The following DGKK variants were observed in gnomAD, a reference collection of about 807,000 sequenced individuals.
DGKK encodes the protein diacylglycerol kinase kappa, also known as 142 kDa diacylglycerol kinase.
In DGKK, 35 loss-of-function variants were observed where a neutral mutation model predicts 92.2. The ratio of observed to expected loss-of-function variants is 0.38; its 90% CI spans 0.29 to 0.50. The LOEUF (loss-of-function observed/expected upper bound fraction) is 0.50, where lower values mean the gene tolerates loss of function less well. Among genes scored for constraint, DGKK ranks in the 20% least tolerant of loss-of-function variants. The pLI, the probability that DGKK is intolerant of heterozygous loss-of-function variation, is 0.92. For missense variants in DGKK, 910 were observed against 992.2 expected (o/e 0.92, Z 1.11); for synonymous variants, 368 against 360.6 (o/e 1.02, Z -0.23).
chrX:50,466,027 T>C (rs1288110609), intron 1 of DGKK, among the ~76,000 whole-genome samples: 20 of 90,698 alleles, frequency 2.2e-4, no homozygotes, highest in Admixed American at 8.7e-4. Context: ...CTTTTTTTTT[T>C]TTTTTTTTTT....
chrX:50,370,733 A>G (rs890999024), intron 26 of DGKK, among the ~76,000 whole-genome samples, 184 bp from the exon 27 acceptor site: 4 of 111,967 alleles, frequency 3.6e-5, no homozygotes, highest in Admixed American at 2.8e-4. Context: ...GATCCTTACC[A>G]AGAGGCTACT....
Position 50,470,384 on chromosome X carries a change from TG to T in DGKK, c.294del (p.Thr99GlnfsTer33), listed in dbSNP as rs1569545343. 8.3e-7 allele frequency: 1 copy of T among 1,209,311 alleles called. No individual in the cohort carries two copies. The highest frequency in any genetic ancestry group is 2.2e-5 in the Admixed American group (1 of 45,910). Reference sequence around the variant, plus strand: ...GTGGCAGGTTCTGGGGCCGGCTCTGTGGCAGGTTCTGGGGCCGGTTCTGAGG... The same window carrying T: ...GTGGCAGGTTCTGGGGCCGGCTCTGTGCAGGTTCTGGGGCCGGTTCTGAGG... ...EPASEPAPEP[A>X]TEPAPEPATE... On this transcript the variant is annotated frameshift_variant, in exon 1 of 28. Coordinates refer to ENST00000611977, the MANE Select transcript of DGKK (RefSeq NM_001013742.4). LOFTEE classifies it high-confidence loss of function.
intron 1 of DGKK, among the ~76,000 whole-genome samples, chrX:50,464,322 AAGGTTTATGCTCTTT>A (rs142042510): frequency 0.31 from 34,121 of 108,737 alleles, 4,238 homozygotes; most frequent in Admixed American, 0.38. Context: ...TTTTAAGAAT[AAGGTTTATGCTCTTT>A]AGTCATGGAG....
chrX:50,451,132 T>TA (rs1348941585), intron 1 of DGKK, among the ~76,000 whole-genome samples: 2 of 110,228 alleles, frequency 1.8e-5, no homozygotes, highest in Admixed American at 9.6e-5. Flanking sequence ...AGTGAAAAAA[T>TA]AAAAAAATGG....
chrX:50,378,351 G>A (rs1485117007), intron 21 of DGKK, 119 bp from the exon 22 acceptor site: 12 of 978,849 alleles, frequency 1.2e-5, no homozygotes, highest in Non-Finnish European at 1.7e-5. Context: ...GAAAGGATGT[G>A]AATCAGATCA....
intron 1 of DGKK, among the ~76,000 whole-genome samples, chrX:50,440,878 A>T (rs1334401339): frequency 8.9e-6 from 1 of 112,057 alleles, no homozygotes; most frequent in Non-Finnish European, 1.9e-5. Context: ...AAGAACTTTT[A>T]ATGTGGGGAA....
At chrX:50,388,650 T>A in intron 12 of DGKK, 32 bp from the exon 13 acceptor site, 1 of 1,058,181 alleles carries the variant, frequency 9.5e-7, no homozygotes. Flanking sequence ...AGCCCTGGAA[T>A]CTTAGTACAA....
chrX:50,448,974 T>C (rs782269320), intron 1 of DGKK, among the ~76,000 whole-genome samples: 10 of 111,530 alleles, frequency 9.0e-5, no homozygotes, highest in East Asian at 2.9e-4. Flanking sequence ...GTGGTGAGTA[T>C]TGGGGCCTTT....
chrX:50,434,000 C>A (rs894905753), intron 1 of DGKK, among the ~76,000 whole-genome samples: 5 of 111,205 alleles, frequency 4.5e-5, no homozygotes, highest in Non-Finnish European at 9.4e-5. Flanking sequence ...CTTTTCCATT[C>A]TTTTACCTGA....
At chrX:50,421,901 A>G (rs1391885426) in intron 3 of DGKK, among the ~76,000 whole-genome samples, 1 of 111,503 alleles carries the variant, frequency 9.0e-6, no homozygotes, top group Non-Finnish European at 1.9e-5. Context: ...CAAGCTTTCT[A>G]TTTTTCAGTG....
chrX:50,438,698 G>C (rs1465400912), intron 1 of DGKK, among the ~76,000 whole-genome samples: 1 of 111,745 alleles, frequency 8.9e-6, no homozygotes, highest in African/African-American at 3.2e-5. Context: ...GAACTTCATG[G>C]AGTTTAGCCA....
chrX:50,423,165 T>C (rs1925642625), intron 2 of DGKK, among the ~76,000 whole-genome samples: 1 of 112,408 alleles, frequency 8.9e-6, no homozygotes, highest in Admixed American at 9.4e-5. Context: ...ATGTGTTTTG[T>C]AAGTAAAGTC....
intron 11 of DGKK, 143 bp downstream of exon 11, chrX:50,391,294 C>T: frequency 1.3e-6 from 1 of 795,086 alleles, no homozygotes; most frequent in Non-Finnish European, 1.8e-6. Context: ...ACAAGCCCCA[C>T]CCAACCCACA....
intron 1 of DGKK, among the ~76,000 whole-genome samples, chrX:50,437,607 A>G (rs781928830): frequency 9.0e-6 from 1 of 111,644 alleles, no homozygotes; most frequent in Non-Finnish European, 1.9e-5. Flanking sequence ...AGGGCTGACC[A>G]TAAAAGTACA....
intron 4 of DGKK, among the ~76,000 whole-genome samples, chrX:50,416,028 C>A (rs1210669398): frequency 9.0e-6 from 1 of 111,460 alleles, no homozygotes; most frequent in African/African-American, 3.3e-5. Context: ...AGTGATGGAT[C>A]CCTCATGAAT....
rs1238222238 is a variant in DGKK at position 50,365,877 on chromosome X, T to G, written c.*3063A>C. 8 of 111,963 alleles carry G rather than the reference T, an allele frequency of 7.1e-5. No homozygotes were observed. In the Admixed American group the frequency reaches 7.6e-4, roughly 11 times the overall value. The allele number at this position is 111,963 out of a possible 1,213,427, so 9.2% of individuals were successfully genotyped here. On this transcript the variant is annotated 3_prime_UTR_variant, in exon 28 of 28. Transcript: ENST00000611977. ...AAAAATCTCTTTCTTATTCTTAACC[T>G]GCTCTTATGGACACAGCACAGGGCC...
rs141144711 is a variant in DGKK, at chrX:50,429,084, A to G, written c.646-4726T>C. 6.3e-3 allele frequency among the ~76,000 whole-genome samples: 703 copies of G among 112,005 alleles called. 6 individuals are homozygous for G. Among genetic ancestry groups the G allele is most frequent in the East Asian group, 0.057 (200 of 3,486 alleles). ...GGCACTGAAGGGAGAACCCTTGCCT[A>G]TCCCCTAAGAAGATTTGCATACTGC... On this transcript the variant is annotated intron_variant, in intron 1 of 27. Coordinates refer to ENST00000611977, the MANE Select transcript of DGKK (RefSeq NM_001013742.4).
At chrX:50,411,826 T>C (rs1925313668) in intron 4 of DGKK, among the ~76,000 whole-genome samples, 1 of 111,739 alleles carries the variant, frequency 8.9e-6, no homozygotes, top group African/African-American at 3.3e-5. Context: ...TAAAAAAACC[T>C]AAAGACTCTA....
rs2147124397 is a variant in DGKK, at chrX:50,391,442, T to A, written c.1839A>T (p.Leu613=). The A allele has an allele frequency of 8.3e-7, 1 of 1,211,229 alleles. No individual in the cohort carries two copies. Among genetic ancestry groups the A allele is most frequent in the East Asian group, 3.0e-5 (1 of 33,834 alleles). The change falls in exon 11 of 28, where the codon CTA becomes CTT. Residue 613 remains leucine, a synonymous_variant. Coordinates refer to ENST00000611977, the MANE Select transcript of DGKK (RefSeq NM_001013742.4). ...NRVEQASVRI[L]DRWSVMIRET... ...CTGGTCTTTCAGCCACTTACCTGTC[T>A]AGGATCCTCACACTAGCCTGCTCCA...
Sources: gnomAD v4.1 joint callset for allele counts (sites outside exome capture counted in the v4.1 genomes callset) on GRCh38, gnomAD v4.1.1 for gene constraint, MANE v1.5 for transcripts, NCBI Gene and HGNC (gene_info 2026-07-23, HGNC 2026-07-21) for gene names.